GMDS: variants seen among roughly 807,000 people sequenced by gnomAD.
GMDS encodes the protein GDP-mannose 4,6 dehydratase.
A neutral mutation model predicts 49.9 loss-of-function variants in GMDS; 20 were observed. The observed-to-expected ratio is 0.40, with a 90% CI of 0.28 to 0.58. The LOEUF (loss-of-function observed/expected upper bound fraction) is 0.58, where lower values mean the gene tolerates loss of function less well. Among genes scored for constraint, GMDS ranks in the 20% least tolerant of loss-of-function variants. The pLI, the probability that GMDS is intolerant of heterozygous loss-of-function variation, is 0.42. For synonymous variants in GMDS, 177 were observed against 178.6 expected (o/e 0.99, Z 0.07); for missense variants, 362 against 481.4 (o/e 0.75, Z 2.32).
rs75825652 is a variant in GMDS at position 1,768,160 on chromosome 6, A to T, written c.772-25574T>A. 9.7e-3 allele frequency among the ~76,000 whole-genome samples: 1,482 copies of T among 152,320 alleles called. 19 individuals carry two copies. Among genetic ancestry groups the T allele is most frequent in the Non-Finnish European group, 0.012 (795 of 68,018 alleles). On this transcript the variant is annotated intron_variant, in intron 7 of 10. Transcript: ENST00000380815. ...TATCTTTTAAATCAGGAAACAGGAAACCTTAATAGGTAACATGAGTCATTA... is the reference window on the plus strand; with the variant it reads ...TATCTTTTAAATCAGGAAACAGGAATCCTTAATAGGTAACATGAGTCATTA...
intron 8 of GMDS, among the ~76,000 whole-genome samples, chr6:1,728,276 A>G (rs954147918): frequency 2.6e-5 from 4 of 152,350 alleles, no homozygotes; most frequent in African/African-American, 9.6e-5. Flanking sequence ...TTGTTTAAGT[A>G]GAACCTTTTA....
In GMDS at chr6:1,635,484, A is replaced by C. The variant is rs546493090; in HGVS notation, c.988-10944T>G. On this transcript the variant is annotated intron_variant, in intron 9 of 10. Coordinates refer to ENST00000380815, the MANE Select transcript of GMDS (RefSeq NM_001500.4). This position sits in a 1 kb window ranked among gnomAD's most constrained non-coding sequence, Gnocchi z 4.7. ...CCTGATTTATCGCCGGCCACCAAAC[A>C]TCTAGAAAATCATAACATCCTTTCA... Among the ~76,000 whole-genome samples, 201 of 152,302 alleles carry C rather than the reference A, an allele frequency of 1.3e-3. No individual in the cohort carries two copies. Among genetic ancestry groups the C allele is most frequent in the Non-Finnish European group, 2.6e-3 (177 of 68,016 alleles).
intron 9 of GMDS, among the ~76,000 whole-genome samples, chr6:1,677,971 T>C (rs1408194604): frequency 6.6e-6 from 1 of 152,152 alleles, no homozygotes; most frequent in Non-Finnish European, 1.5e-5. Context: ...AACATTTGAA[T>C]AAAAAAATTC....
chr6:2,130,429 A>T (rs567399233), intron 1 of GMDS, among the ~76,000 whole-genome samples: 2 of 152,344 alleles, frequency 1.3e-5, no homozygotes, highest in South Asian at 4.2e-4. Flanking sequence ...ATAATGAAGA[A>T]TCGTTTATGT....
At chr6:1,845,260 G>A (rs1488782958) in intron 7 of GMDS, among the ~76,000 whole-genome samples, 1 of 152,212 alleles carries the variant, frequency 6.6e-6, no homozygotes, top group Non-Finnish European at 1.5e-5. Context: ...CACAGACTGA[G>A]TTAATGGCAG....
At chr6:1,873,162 A>C (rs1180867221) in intron 7 of GMDS, among the ~76,000 whole-genome samples, 1 of 152,236 alleles carries the variant, frequency 6.6e-6, no homozygotes, top group Non-Finnish European at 1.5e-5. Flanking sequence ...ATCTCCCTAC[A>C]GGGCTGTTGG....
chr6:2,071,976 A>G (rs1772036219), intron 4 of GMDS, among the ~76,000 whole-genome samples: 1 of 152,188 alleles, frequency 6.6e-6, no homozygotes, highest in African/African-American at 2.4e-5. Flanking sequence ...AAAGTGATGA[A>G]AAAGCCTTCT....
chr6:1,756,977 C>G (rs1479120709), intron 7 of GMDS, among the ~76,000 whole-genome samples: 1 of 152,156 alleles, frequency 6.6e-6, no homozygotes, highest in Non-Finnish European at 1.5e-5. Flanking sequence ...GTGGTAGAGT[C>G]ACACTGCAAA....
chr6:2,230,253 A>C (rs561051322), intron 1 of GMDS, among the ~76,000 whole-genome samples: 16 of 152,378 alleles, frequency 1.1e-4, no homozygotes, highest in Non-Finnish European at 1.8e-4. Context: ...GACTGATGAA[A>C]ACTAAAAATC....
At chr6:2,002,650 A>G (rs921573398) in intron 4 of GMDS, among the ~76,000 whole-genome samples, 1 of 152,226 alleles carries the variant, frequency 6.6e-6, no homozygotes, top group Non-Finnish European at 1.5e-5. Context: ...TCCATTTCAT[A>G]ATAATTTCAA....
chr6:1,749,960 T>C lies in GMDS; in HGVS notation c.772-7374A>G, dbSNP rs1468494322. Among the ~76,000 whole-genome samples, 4 of 152,278 alleles carry C rather than the reference T, an allele frequency of 2.6e-5. 1 individual carries two copies. In the South Asian group the frequency reaches 6.2e-4, roughly 24 times the overall value. ...GATCCTCCAGCTTCAGCCTTCCAAG[T>C]AGATGGGACTACAGGCATGCATCAC... On this transcript the variant is annotated intron_variant, in intron 7 of 10. Coordinates refer to ENST00000380815, the MANE Select transcript of GMDS (RefSeq NM_001500.4).
intron 1 of GMDS, among the ~76,000 whole-genome samples, chr6:2,179,294 G>T (rs1389372297): frequency 6.6e-6 from 1 of 151,904 alleles, no homozygotes; most frequent in Admixed American, 6.6e-5. Flanking sequence ...AGACAAAAAG[G>T]TTATGCCAAA....
At chr6:2,187,951 TG>T (rs1778852002) in intron 1 of GMDS, among the ~76,000 whole-genome samples, 1 of 152,238 alleles carries the variant, frequency 6.6e-6, no homozygotes, top group Admixed American at 6.5e-5. Context: ...ACAAGTAATT[TG>T]CCTAGGAAAG....
intron 1 of GMDS, among the ~76,000 whole-genome samples, chr6:2,222,178 A>G (rs1780621838): frequency 6.6e-6 from 1 of 152,230 alleles, no homozygotes; most frequent in Non-Finnish European, 1.5e-5. Context: ...TATGGAAATC[A>G]TTAGACCAGC....
chr6:1,735,921 T>A (rs1363126205), intron 8 of GMDS, among the ~76,000 whole-genome samples: 2 of 152,192 alleles, frequency 1.3e-5, no homozygotes, highest in Non-Finnish European at 2.9e-5. Flanking sequence ...TCTCTTTGAT[T>A]AGTTTGGCAT....
intron 7 of GMDS, among the ~76,000 whole-genome samples, chr6:1,864,024 G>T (rs3800108): frequency 0.42 from 63,274 of 151,910 alleles, 14,508 homozygotes; most frequent in African/African-American, 0.63. Context: ...AAGAGGGGTG[G>T]GTCATAACGT....
At chr6:1,899,358 C>T (rs1760380796) in intron 7 of GMDS, among the ~76,000 whole-genome samples, 1 of 151,764 alleles carries the variant, frequency 6.6e-6, no homozygotes, top group East Asian at 1.9e-4. Flanking sequence ...TAATATCTAA[C>T]TTTATTACTA....
At chr6:1,903,384 G>C (rs1378948498) in intron 7 of GMDS, among the ~76,000 whole-genome samples, 1 of 152,098 alleles carries the variant, frequency 6.6e-6, no homozygotes. Flanking sequence ...ATTTAATTAG[G>C]CACCCTTTTG....
At chr6:2,107,537 C>T (rs1267835385) in intron 4 of GMDS, among the ~76,000 whole-genome samples, 1 of 152,152 alleles carries the variant, frequency 6.6e-6, no homozygotes, top group Non-Finnish European at 1.5e-5. Context: ...TTTCGTATTG[C>T]AATTTTGCGC....
Sources: gnomAD v4.1 joint callset for allele counts (sites outside exome capture counted in the v4.1 genomes callset) on GRCh38, gnomAD v4.1.1 for gene constraint, Gnocchi (gnomAD v3.1) non-coding constraint, MANE v1.5 for transcripts, NCBI Gene and HGNC (gene_info 2026-07-23, HGNC 2026-07-21) for gene names.